Variants in MAP4K5 observed in about 807,000 individuals in gnomAD.
MAP4K5 encodes mitogen-activated protein kinase kinase kinase kinase 5.
In MAP4K5, 82 loss-of-function variants were observed where a neutral mutation model predicts 135.6. The observed-to-expected ratio is 0.60, with a 90% CI of 0.51 to 0.73. The LOEUF (loss-of-function observed/expected upper bound fraction) is 0.73. Ranked by LOEUF, MAP4K5 falls within the 30% of genes least tolerant of loss-of-function variation. MAP4K5 has a pLI of 0.00. For synonymous variants in MAP4K5, 347 were observed against 335.0 expected, an observed-to-expected ratio of 1.04 and a Z score of -0.39; for missense variants, 907 against 1,010.9, an observed-to-expected ratio of 0.90 and a Z score of 1.39.
chr14:50,448,644 A>G, intron 15 of MAP4K5, 130 bp downstream of exon 15: 2 of 563,292 alleles, frequency 3.6e-6, no homozygotes. Context: ...AAACTTTAAT[A>G]CGGGAAAAAT....
chr14:50,464,642 G>A (rs2036790791), intron 11 of MAP4K5, among the ~76,000 whole-genome samples: 1 of 152,154 alleles, frequency 6.6e-6, no homozygotes, highest in South Asian at 2.1e-4. Flanking sequence ...AGTGGGGAAA[G>A]GAAGAAGACA....
chr14:50,487,549 A>G (rs2037392101), intron 3 of MAP4K5, among the ~76,000 whole-genome samples: 1 of 152,198 alleles, frequency 6.6e-6, no homozygotes, highest in Non-Finnish European at 1.5e-5. Context: ...TTTATTTGTA[A>G]CCTGGGAAAA....
At chr14:50,527,947 C>T (rs1050298548) in intron 2 of MAP4K5, among the ~76,000 whole-genome samples, 1 of 152,112 alleles carries the variant, frequency 6.6e-6, no homozygotes, top group Non-Finnish European at 1.5e-5. Context: ...GCCCAAATGG[C>T]TTGTACTACT....
chr14:50,448,758 A>T lies in MAP4K5; in HGVS notation c.1074+16T>A. 6.7e-7 allele frequency: 1 copy of T among 1,501,074 alleles called. No homozygotes were observed. Among genetic ancestry groups the T allele is most frequent in the Non-Finnish European group, 9.0e-7 (1 of 1,106,678 alleles). 93.0% of individuals were successfully genotyped at this position (1,501,074 alleles called of 1,614,324 possible). Reference sequence around the variant, plus strand: ...AATCTTAATGTGAAAATAATGCTTTAAAAATGAATTCTTACCATTTCATCT... The same window carrying T: ...AATCTTAATGTGAAAATAATGCTTTTAAAATGAATTCTTACCATTTCATCT... On this transcript the variant is annotated intron_variant, in intron 15 of 32. Coordinates refer to ENST00000682126, the MANE Select transcript of MAP4K5 (RefSeq NM_006575.6).
chr14:50,503,623 C>A (rs1566682590), intron 3 of MAP4K5, among the ~76,000 whole-genome samples: 1 of 151,954 alleles, frequency 6.6e-6, no homozygotes, highest in Non-Finnish European at 1.5e-5. Flanking sequence ...TTGGCAAAAA[C>A]TGCTATAATA....
At chr14:50,514,911 T>G (rs1045111760) in intron 2 of MAP4K5, among the ~76,000 whole-genome samples, 2 of 151,546 alleles carry the variant, frequency 1.3e-5, no homozygotes, top group Admixed American at 6.6e-5. Flanking sequence ...CTTATTCTTT[T>G]TTTTTTTTTT....
intron 3 of MAP4K5, among the ~76,000 whole-genome samples, chr14:50,500,148 C>T (rs960491016): frequency 1.3e-5 from 2 of 152,214 alleles, no homozygotes; most frequent in Admixed American, 6.5e-5. Context: ...CATGCTTACA[C>T]TGTCCCAAGT....
intron 18 of MAP4K5, among the ~76,000 whole-genome samples, chr14:50,444,507 G>A (rs1451882913): frequency 6.6e-6 from 1 of 152,082 alleles, no homozygotes; most frequent in Non-Finnish European, 1.5e-5. Flanking sequence ...CCAGCACTTT[G>A]GGAGGCTGGG....
chr14:50,509,888 T>C (rs932690782), intron 2 of MAP4K5, among the ~76,000 whole-genome samples: 2 of 152,116 alleles, frequency 1.3e-5, no homozygotes, highest in African/African-American at 4.8e-5. Flanking sequence ...ACAGTATAAG[T>C]TTACAAATTG....
intron 3 of MAP4K5, among the ~76,000 whole-genome samples, chr14:50,487,224 C>T (rs1428806055): frequency 6.6e-6 from 1 of 152,200 alleles, no homozygotes; most frequent in Admixed American, 6.5e-5. Context: ...AGGAGAATCG[C>T]TTGAACCTGG....
chr14:50,437,484 C>T lies in MAP4K5; in HGVS notation c.1874G>A (p.Cys625Tyr). The T allele has an allele frequency of 6.2e-7, 1 of 1,601,096 alleles. No individual in the cohort carries two copies. The highest frequency in any genetic ancestry group is 8.5e-7 in the Non-Finnish European group (1 of 1,175,072). Residue 625 changes from cysteine to tyrosine, a missense_variant, in exon 26 of 33, where the codon TGT (cysteine) becomes TAT (tyrosine). Physicochemically the swap from Cys to Tyr is radical, Grantham distance 194. Around this residue, in one of 3 missense-constraint regions of MAP4K5, gnomAD observed 690 missense variants for 777.4 expected, o/e 0.89. Transcript: ENST00000682126. Reference sequence around the variant, plus strand: ...AAATACCATTTACTCACCTATGCAACATTTGTGGCAGCCTTTTGTATCAGG... The same window carrying T: ...AAATACCATTTACTCACCTATGCAATATTTGTGGCAGCCTTTTGTATCAGG... ...KIPDTKGCHK[C>Y]CIVRNPYTGH...
intron 16 of MAP4K5, 48 bp from the exon 17 acceptor site, chr14:50,446,169 C>A: frequency 8.5e-7 from 1 of 1,172,666 alleles, no homozygotes. Flanking sequence ...ATGACCGTAA[C>A]CGAAAACACA....
chr14:50,552,648 A>T (rs2038716860), intron 1 of MAP4K5, among the ~76,000 whole-genome samples: 1 of 152,232 alleles, frequency 6.6e-6, no homozygotes, highest in Non-Finnish European at 1.5e-5. Flanking sequence ...ACAACGTGGT[A>T]CTGCTATAAA....
rs1427029150 is a variant in MAP4K5 at position 50,419,018 on chromosome 14, T to C, written c.*1001A>G. ...CCTACTCAAAATGAATACCTACATA[T>C]GTGAAAAACCCAAGATTACATGTGT... On this transcript the variant is annotated 3_prime_UTR_variant, in exon 33 of 33. Transcript: ENST00000682126. 6.6e-6 allele frequency: 1 copy of C among 152,170 alleles called. No homozygotes were observed. The highest frequency in any genetic ancestry group is 2.4e-5 in the African/African-American group (1 of 41,448). 9.4% of individuals were successfully genotyped at this position (152,170 alleles called of 1,614,324 possible).
intron 27 of MAP4K5, 102 bp from the exon 28 acceptor site, chr14:50,434,673 A>G: frequency 9.6e-7 from 1 of 1,037,064 alleles, no homozygotes; most frequent in South Asian, 1.5e-5. Context: ...TTCTTCATTT[A>G]TCTAGTTCTA....
chr14:50,421,298 G>A (rs140745399), intron 32 of MAP4K5, among the ~76,000 whole-genome samples: 2,159 of 151,408 alleles, frequency 0.014, 39 homozygotes, highest in African/African-American at 0.05. Context: ...TGCTCTTGTC[G>A]CCCAGGCTGG....
chr14:50,449,333 A>G (rs2036431157), intron 14 of MAP4K5: 1 of 152,356 alleles, frequency 6.6e-6, no homozygotes, highest in Non-Finnish European at 1.5e-5. Context: ...AGTCATACTG[A>G]CTTCAGAGTT....
chr14:50,430,047 TCAC>T (rs563960940), intron 28 of MAP4K5, among the ~76,000 whole-genome samples: 162 of 152,144 alleles, frequency 1.1e-3, no homozygotes, highest in Non-Finnish European at 1.9e-3. Context: ...TTTAAAAACA[TCAC>T]CAATCAACCT....
upstream of MAP4K5, among the ~76,000 whole-genome samples, chr14:50,536,655 C>T (rs1415292071): frequency 6.6e-6 from 1 of 152,064 alleles, no homozygotes; most frequent in Non-Finnish European, 1.5e-5. Context: ...ACAATAAAGT[C>T]CAGGCTGAGG....
Sources: allele counts gnomAD v4.1 joint callset (sites outside exome capture counted in the v4.1 genomes callset), GRCh38; gene constraint gnomAD v4.1.1; regional missense constraint gnomAD v4.1.1; transcripts MANE v1.5; gene names NCBI Gene and HGNC (gene_info 2026-07-23, HGNC 2026-07-21).